Variants in GPHN observed in about 807,000 individuals in gnomAD.
GPHN encodes gephyrin.
GPHN carries 17 observed loss-of-function variants against 95.5 expected under a neutral mutation model. That is an observed-to-expected ratio of 0.18 (90% CI 0.12 to 0.27). The LOEUF (loss-of-function observed/expected upper bound fraction) is 0.27. Among genes scored for constraint, GPHN ranks in the 10% least tolerant of loss-of-function variants. GPHN has a pLI of 1.00. For synonymous variants in GPHN, 320 were observed against 322.5 expected, an observed-to-expected ratio of 0.99 and a Z score of 0.08; for missense variants, 660 against 978.1, an observed-to-expected ratio of 0.67 and a Z score of 4.34.
chr14:66,957,306 C>G (rs1459197795), intron 8 of GPHN, among the ~76,000 whole-genome samples: 1 of 148,856 alleles, frequency 6.7e-6, no homozygotes, highest in East Asian at 2.0e-4. Context: ...AGCAATTCTC[C>G]TACCTCAGCC....
chr14:67,168,711 C>A (rs541195593), intron 20 of GPHN, among the ~76,000 whole-genome samples: 1 of 152,236 alleles, frequency 6.6e-6, no homozygotes, highest in South Asian at 2.1e-4. Flanking sequence ...AGCTTCTGGG[C>A]AGCAGAATTC....
At chr14:67,732,898 T>C in the GPHN span, among the ~76,000 whole-genome samples, 2 of 152,126 alleles carry the variant, frequency 1.3e-5, no homozygotes, top group East Asian at 1.9e-4. Flanking sequence ...GCTTTTCTTC[T>C]TTTATCAGCA....
At chr14:67,734,235 TACACTCCA>T in the GPHN span, 4 of 246,344 alleles carry the variant, frequency 1.6e-5, no homozygotes, top group Middle Eastern at 1.4e-3. Context: ...CTAGGGGCTA[TACACTCCA>T]ACTCTTGGTT....
the GPHN span, among the ~76,000 whole-genome samples, chr14:67,610,745 G>C: frequency 6.6e-6 from 1 of 152,086 alleles, no homozygotes; most frequent in African/African-American, 2.4e-5. Context: ...AGGCCCCTGT[G>C]ATTCTATCCC....
intron 17 of GPHN, among the ~76,000 whole-genome samples, chr14:67,132,094 G>A (rs1308100931): frequency 6.6e-6 from 1 of 152,172 alleles, no homozygotes; most frequent in Non-Finnish European, 1.5e-5. Context: ...TTGCTGCTGC[G>A]AATTTGTGAA....
the GPHN span, among the ~76,000 whole-genome samples, chr14:67,531,910 C>CA: frequency 0.026 from 2,041 of 79,464 alleles, 62 homozygotes; most frequent in African/African-American, 0.075. Flanking sequence ...AACCTATGTC[C>CA]AAAAAAAAAA....
the GPHN span, chr14:67,198,824 C>T: frequency 1.8e-6 from 1 of 540,776 alleles, no homozygotes; most frequent in East Asian, 3.8e-5. Flanking sequence ...TAACTTTTCT[C>T]TAAACATTCA....
At chr14:66,908,730 C>T (rs1331835256) in intron 5 of GPHN, among the ~76,000 whole-genome samples, 1 of 151,868 alleles carries the variant, frequency 6.6e-6, no homozygotes, top group East Asian at 1.9e-4. Flanking sequence ...TAGCATATAC[C>T]TGTGATATGA....
chr14:67,599,830 A>C, the GPHN span, among the ~76,000 whole-genome samples: 1 of 152,320 alleles, frequency 6.6e-6, no homozygotes, highest in East Asian at 1.9e-4. Flanking sequence ...CCAGGAGCAC[A>C]CATTTCACTA....
At chr14:66,630,897 G>A (rs1280781906) in intron 1 of GPHN, among the ~76,000 whole-genome samples, 1 of 114,696 alleles carries the variant, frequency 8.7e-6, no homozygotes, top group African/African-American at 3.5e-5. Context: ...TTTTATCTTC[G>A]ACCTATTTAA....
At chr14:67,625,680 C>CAAAA in the GPHN span, among the ~76,000 whole-genome samples, 50 of 32,052 alleles carry the variant, frequency 1.6e-3, 2 homozygotes, top group African/African-American at 4.1e-3. Context: ...AACTCCATCT[C>CAAAA]AAAAAAAAAA....
chr14:66,580,287 C>T (rs1325626507), intron 1 of GPHN, among the ~76,000 whole-genome samples: 1 of 151,712 alleles, frequency 6.6e-6, no homozygotes, highest in Non-Finnish European at 1.5e-5. Context: ...TCTAGTGTTA[C>T]ACTTCAAGGA....
chr14:66,545,873 C>A lies in GPHN; in HGVS notation c.64+37282C>A, dbSNP rs1010319042. Among the ~76,000 whole-genome samples, 64 of 151,626 alleles carry A rather than the reference C, an allele frequency of 4.2e-4. 1 individual carries two copies. The East Asian group carries it at 0.012, about 29-fold the overall frequency. On this transcript the variant is annotated intron_variant, in intron 1 of 22. Coordinates refer to ENST00000478722, the MANE Select transcript of GPHN (RefSeq NM_020806.5). The stretch of plus-strand genomic sequence containing the variant: ...TGGCCAGGCGGGGGGCTGACCCCCC[C>A]ACCTCCCTCCTGGACGGGGCGGCTG...
the GPHN span, chr14:67,388,186 CCTGAGATCTTCAGGCCAGGG>C: frequency 7.3e-7 from 1 of 1,378,178 alleles, no homozygotes; most frequent in Non-Finnish European, 1.0e-6. Context: ...GAGGGAGGCC[CCTGAGATCTTCAGGCCAGGG>C]CTGAAGTTGT....
At chr14:67,587,138 C>G in the GPHN span, 3 of 1,613,974 alleles carry the variant, frequency 1.9e-6, no homozygotes, top group Admixed American at 1.7e-5. Flanking sequence ...GTGAACCCCC[C>G]CACCAACCCA....
chr14:66,601,952 T>C (rs551710483), intron 1 of GPHN, among the ~76,000 whole-genome samples: 137 of 152,098 alleles, frequency 9.0e-4, no homozygotes, highest in Middle Eastern at 3.4e-3. Flanking sequence ...ATAGGCATCA[T>C]AGTGATTATC....
intron 2 of GPHN, among the ~76,000 whole-genome samples, chr14:66,738,392 A>G (rs1350916183): frequency 6.6e-6 from 1 of 152,222 alleles, no homozygotes; most frequent in African/African-American, 2.4e-5. Context: ...TATAGTCTCT[A>G]TTTAAAATGT....
chr14:66,718,522 C>T (rs756901166), intron 2 of GPHN, among the ~76,000 whole-genome samples: 9 of 152,128 alleles, frequency 5.9e-5, no homozygotes, highest in Non-Finnish European at 1.2e-4. Flanking sequence ...GAAGGGGACC[C>T]CAGTGGGTTG....
chr14:66,629,241 A>AT (rs1566729731), intron 1 of GPHN, among the ~76,000 whole-genome samples: 1 of 146,552 alleles, frequency 6.8e-6, no homozygotes. Context: ...ATATAAATAT[A>AT]AAACACACGT....
Sources: gnomAD v4.1 joint callset for allele counts (sites outside exome capture counted in the v4.1 genomes callset) on GRCh38, gnomAD v4.1.1 for gene constraint, MANE v1.5 for transcripts, NCBI Gene and HGNC (gene_info 2026-07-23, HGNC 2026-07-21) for gene names.